Variants in PCDH9 observed in about 807,000 individuals in gnomAD.
PCDH9 encodes protocadherin-9.
In PCDH9, 24 loss-of-function variants were observed where a neutral mutation model predicts 70.6. The ratio of observed to expected loss-of-function variants is 0.34; its 90% CI spans 0.25 to 0.48. The LOEUF (loss-of-function observed/expected upper bound fraction) is 0.48. Ranked by LOEUF, PCDH9 falls within the 20% of genes least tolerant of loss-of-function variation. The probability of loss-of-function intolerance (pLI) is 0.99; values close to 1 mark genes in which losing one functional copy is unlikely to be tolerated. For missense variants in PCDH9, 1,281 were observed against 1,503.6 expected (o/e 0.85, Z 2.45); for synonymous variants, 562 against 558.5 (o/e 1.01, Z -0.09).
intron 4 of PCDH9, among the ~76,000 whole-genome samples, chr13:66,363,162 G>A (rs1043620274): frequency 3.3e-5 from 5 of 152,142 alleles, no homozygotes; most frequent in Admixed American, 6.5e-5. Context: ...CTGAGTGACA[G>A]AGCAAGACTC....
intron 3 of PCDH9, among the ~76,000 whole-genome samples, chr13:66,787,617 A>AAAAAAAAG (rs893056906): frequency 1.3e-5 from 2 of 151,836 alleles, no homozygotes; most frequent in Non-Finnish European, 2.9e-5. Flanking sequence ...CTCTGTCTCA[A>AAAAAAAAG]AAAAAAAGAA....
chr13:66,891,560 G>A (rs934445485), intron 3 of PCDH9, among the ~76,000 whole-genome samples: 25 of 152,044 alleles, frequency 1.6e-4, no homozygotes, highest in African/African-American at 4.8e-4. Context: ...TACCTATTGA[G>A]TCAAAACTGA....
At chr13:66,753,262 T>G (rs1390923603) in intron 3 of PCDH9, among the ~76,000 whole-genome samples, 1 of 152,166 alleles carries the variant, frequency 6.6e-6, no homozygotes, top group Non-Finnish European at 1.5e-5. Context: ...AACACAACGT[T>G]ATAGCTAGAT....
intron 4 of PCDH9, among the ~76,000 whole-genome samples, chr13:66,436,062 A>G (rs748429859): frequency 2.0e-4 from 30 of 152,148 alleles, no homozygotes; most frequent in Admixed American, 5.2e-4. Flanking sequence ...ATCTCAATTT[A>G]CTAGACTTTC....
At chr13:66,746,105 A>T (rs2079358509) in intron 3 of PCDH9, among the ~76,000 whole-genome samples, 1 of 152,154 alleles carries the variant, frequency 6.6e-6, no homozygotes. Flanking sequence ...TTCACTTGGC[A>T]TTACCTGTAT....
At chr13:66,352,080 C>T (rs990470415) in intron 4 of PCDH9, among the ~76,000 whole-genome samples, 3 of 152,182 alleles carry the variant, frequency 2.0e-5, no homozygotes, top group African/African-American at 7.2e-5. Context: ...AGGTGATCCA[C>T]CCGCCTCAGC....
rs770123913 is a variant in PCDH9, at chr13:67,108,538, A to G, written c.3036+116867T>C. Among the ~76,000 whole-genome samples, 52 of 152,204 alleles carry G rather than the reference A, an allele frequency of 3.4e-4. 1 individual carries two copies. Among genetic ancestry groups the G allele is most frequent in the Non-Finnish European group, 8.8e-5 (6 of 68,028 alleles). On this transcript the variant is annotated intron_variant, in intron 2 of 4. Coordinates refer to ENST00000377865, the MANE Select transcript of PCDH9 (RefSeq NM_203487.3). ...AAAATAGCATCTAAGGCCAATAATAATATCAATTTTTAGAGAAAAAACTAA... is the reference window on the plus strand; with the variant it reads ...AAAATAGCATCTAAGGCCAATAATAGTATCAATTTTTAGAGAAAAAACTAA...
intron 2 of PCDH9, among the ~76,000 whole-genome samples, chr13:66,923,648 A>C (rs951388030): frequency 6.6e-6 from 1 of 151,694 alleles, no homozygotes; most frequent in Admixed American, 6.6e-5. Context: ...ATTTTAATAG[A>C]TAAGGAAACT....
chr13:67,156,649 G>C (rs955264995), intron 2 of PCDH9, among the ~76,000 whole-genome samples: 1 of 152,120 alleles, frequency 6.6e-6, no homozygotes, highest in Admixed American at 6.5e-5. Flanking sequence ...CTATTCTTTC[G>C]GTACACAAAG....
intron 2 of PCDH9, among the ~76,000 whole-genome samples, chr13:66,957,053 T>C (rs1221844709): frequency 6.6e-6 from 1 of 152,206 alleles, no homozygotes; most frequent in East Asian, 1.9e-4. Flanking sequence ...GCACCCACAA[T>C]TTAACATAAC....
At chr13:66,646,050 G>T (rs924849412) in intron 3 of PCDH9, among the ~76,000 whole-genome samples, 1 of 152,182 alleles carries the variant, frequency 6.6e-6, no homozygotes, top group African/African-American at 2.4e-5. Flanking sequence ...GCCGCCTCTT[G>T]TCAGCTTTGT....
At chr13:66,355,152 A>G (rs1956359993) in intron 4 of PCDH9, among the ~76,000 whole-genome samples, 1 of 152,096 alleles carries the variant, frequency 6.6e-6, no homozygotes, top group African/African-American at 2.4e-5. Flanking sequence ...CACCTTAGTA[A>G]TGGCCTTAAG....
At chr13:66,986,428 A>G (rs1182269530) in intron 2 of PCDH9, among the ~76,000 whole-genome samples, 1 of 152,062 alleles carries the variant, frequency 6.6e-6, no homozygotes, top group African/African-American at 2.4e-5. Flanking sequence ...TGGCACCCTT[A>G]TGAATTAATG....
chr13:66,470,170 C>T (rs189027986), intron 4 of PCDH9, among the ~76,000 whole-genome samples: 4 of 152,172 alleles, frequency 2.6e-5, no homozygotes, highest in Admixed American at 1.3e-4. Flanking sequence ...TAAAACAATA[C>T]GACATGACCT....
At chr13:66,868,653 T>A (rs2139500880) in intron 3 of PCDH9, among the ~76,000 whole-genome samples, 1 of 152,210 alleles carries the variant, frequency 6.6e-6, no homozygotes, top group Non-Finnish European at 1.5e-5. Flanking sequence ...CGATAAATAC[T>A]TTACCTGTGA....
chr13:66,552,114 C>A (rs1397418966), intron 4 of PCDH9, among the ~76,000 whole-genome samples: 2 of 152,106 alleles, frequency 1.3e-5, no homozygotes, highest in Non-Finnish European at 2.9e-5. Context: ...ACCTCTCTAC[C>A]TGAATCTGTT....
chr13:66,562,468 G>A lies in PCDH9; in HGVS notation c.3340+68742C>T, dbSNP rs186820857. Among the ~76,000 whole-genome samples, 174 of 152,238 alleles carry A rather than the reference G, an allele frequency of 1.1e-3. 1 individual carries two copies. The highest frequency in any genetic ancestry group is 6.8e-3 in the Middle Eastern group (2 of 294). ...AGAGGTTTAATGGACTCACAGTTCC[G>A]CATGGCTGGGGAGGCCTCACAATCA... is the stretch of plus-strand genomic sequence containing the variant. On this transcript the variant is annotated intron_variant, in intron 4 of 4. Transcript: ENST00000377865.
intron 2 of PCDH9, among the ~76,000 whole-genome samples, chr13:66,922,691 C>G (rs2082656087): frequency 6.6e-6 from 1 of 151,486 alleles, no homozygotes; most frequent in Non-Finnish European, 1.5e-5. Context: ...ATAATGCTAT[C>G]TGTTCCTATT....
chr13:66,797,320 A>C (rs1229455011), intron 3 of PCDH9, among the ~76,000 whole-genome samples: 1 of 152,188 alleles, frequency 6.6e-6, no homozygotes, highest in Non-Finnish European at 1.5e-5. Flanking sequence ...CTTGGGGTTG[A>C]TAATGATTTA....
Sources: allele counts gnomAD v4.1 joint callset (sites outside exome capture counted in the v4.1 genomes callset), GRCh38; gene constraint gnomAD v4.1.1; transcripts MANE v1.5; gene names NCBI Gene and HGNC (gene_info 2026-07-23, HGNC 2026-07-21).